FMNL2: variants seen among roughly 807,000 people sequenced by gnomAD.
FMNL2 encodes formin-like protein 2.
In FMNL2, 51 loss-of-function variants were observed where a neutral mutation model predicts 130.2. The observed-to-expected ratio is 0.39, with a 90% CI of 0.31 to 0.49. FMNL2 has a LOEUF of 0.49. Among genes scored for constraint, FMNL2 ranks in the 20% least tolerant of loss-of-function variants. The pLI is 0.85. For synonymous variants in FMNL2, 465 were observed against 467.1 expected, an observed-to-expected ratio of 1.00 and a Z score of 0.06; for missense variants, 977 against 1,316.2, an observed-to-expected ratio of 0.74 and a Z score of 3.99.
intron 1 of FMNL2, among the ~76,000 whole-genome samples, chr2:152,477,595 G>T (rs1254091170): frequency 6.6e-6 from 1 of 152,134 alleles, no homozygotes; most frequent in African/African-American, 2.4e-5. Flanking sequence ...CAGGCTGTCC[G>T]TTGATTTGTT....
At chr2:152,542,712 T>C (rs1359932268) in intron 2 of FMNL2, 27 bp from the exon 3 acceptor site, 3 of 1,612,434 alleles carry the variant, frequency 1.9e-6, no homozygotes, top group East Asian at 4.5e-5. Context: ...ATACCTTTCA[T>C]GCTTTGGACT....
chr2:152,337,823 T>G (rs1681565260), intron 1 of FMNL2, among the ~76,000 whole-genome samples: 1 of 152,130 alleles, frequency 6.6e-6, no homozygotes, highest in Non-Finnish European at 1.5e-5. Flanking sequence ...CAGGCTGACC[T>G]TTTATTGAGT....
rs186632168 is a variant in FMNL2, at chr2:152,558,860, T to G, written c.443+37T>G. On this transcript the variant is annotated intron_variant, in intron 5 of 25. Transcript: ENST00000288670. ...TTGGCTTGCTTGCATTTGAATTTTA[T>G]GTGGTCACAGCAGATGCTACTCAGT... is the stretch of plus-strand genomic sequence containing the variant. The G allele has an allele frequency of 5.9e-5, 93 of 1,581,548 alleles. No individual in the cohort carries two copies. The African/African-American group carries it at 1.1e-3, about 19-fold the overall frequency.
intron 4 of FMNL2, among the ~76,000 whole-genome samples, chr2:152,553,054 G>A (rs547943002): frequency 6.1e-4 from 93 of 152,194 alleles, no homozygotes; most frequent in Non-Finnish European, 1.2e-3. Flanking sequence ...AATGTGGCAA[G>A]TTGGCAAGGA....
intron 9 of FMNL2, among the ~76,000 whole-genome samples, chr2:152,600,463 T>C (rs1019374718): frequency 6.6e-6 from 1 of 152,190 alleles, no homozygotes; most frequent in Non-Finnish European, 1.5e-5. Context: ...CAGAGACTGT[T>C]ACTCACCTTG....
chr2:152,632,159 C>A, intron 21 of FMNL2, 22 bp downstream of exon 21: 1 of 1,604,124 alleles, frequency 6.2e-7, no homozygotes, highest in South Asian at 1.1e-5. Flanking sequence ...CAGCTATTAC[C>A]GTTCGTCTTG....
At chr2:152,530,072 C>T (rs764180932) in intron 2 of FMNL2, among the ~76,000 whole-genome samples, 1 of 152,194 alleles carries the variant, frequency 6.6e-6, no homozygotes, top group Admixed American at 6.5e-5. Flanking sequence ...ACTCCCACCC[C>T]ACCTTTTAAA....
intron 6 of FMNL2, among the ~76,000 whole-genome samples, chr2:152,562,311 C>G (rs935910798): frequency 6.6e-6 from 1 of 152,194 alleles, no homozygotes; most frequent in African/African-American, 2.4e-5. Context: ...CAGGCATGAT[C>G]TGGCAAGAGG....
intron 1 of FMNL2, among the ~76,000 whole-genome samples, chr2:152,486,370 G>T (rs985346187): frequency 1.3e-4 from 20 of 152,144 alleles, no homozygotes; most frequent in African/African-American, 4.8e-4. Flanking sequence ...TACATAGCTG[G>T]GTTGGTTAAT....
At chr2:152,490,627 TAAAA>T (rs1225298285) in intron 1 of FMNL2, among the ~76,000 whole-genome samples, 1 of 123,256 alleles carries the variant, frequency 8.1e-6, no homozygotes, top group Non-Finnish European at 1.7e-5. Context: ...TGGATAAACT[TAAAA>T]AACCTGTTGC....
chr2:152,480,545 G>A lies in FMNL2; in HGVS notation c.118-41398G>A, dbSNP rs564816276. 1.0e-4 allele frequency among the ~76,000 whole-genome samples: 15 copies of A among 143,502 alleles called. No individual in the cohort carries two copies. In the East Asian group the frequency reaches 3.3e-3, roughly 32 times the overall value. The allele number at this position is 143,502 out of a possible 152,430, so 94.1% of individuals were successfully genotyped here. On this transcript the variant is annotated intron_variant, in intron 1 of 25. Transcript: ENST00000288670. ...AGATACTTGGGAGGCTGAGACAGGA[G>A]AATTGCTTGAACCTGGGAGGCGGAG...
intron 9 of FMNL2, among the ~76,000 whole-genome samples, chr2:152,587,296 A>G (rs1193777158): frequency 2.6e-5 from 4 of 152,270 alleles, no homozygotes; most frequent in Admixed American, 6.5e-5. Context: ...GGGGAAGGCA[A>G]TGGCTTCTCT....
intron 1 of FMNL2, among the ~76,000 whole-genome samples, chr2:152,465,667 A>G (rs996985535): frequency 1.3e-5 from 2 of 152,214 alleles, no homozygotes; most frequent in East Asian, 1.9e-4. Context: ...AGCAGTTGGC[A>G]TAAGTAGGGG....
intron 1 of FMNL2, among the ~76,000 whole-genome samples, chr2:152,355,048 GA>G (rs1483826540): frequency 1.3e-5 from 2 of 152,166 alleles, no homozygotes; most frequent in Non-Finnish European, 2.9e-5. Context: ...AGGTCCAGAT[GA>G]AAAGGATTAT....
chr2:152,561,066 G>T, intron 6 of FMNL2, 31 bp downstream of exon 6: 1 of 1,559,368 alleles, frequency 6.4e-7, no homozygotes, highest in Non-Finnish European at 8.7e-7. Context: ...GGCAACTTTG[G>T]CAGGATGCAC....
At chr2:152,646,425 T>G (rs954707014) in intron 25 of FMNL2, among the ~76,000 whole-genome samples, 1 of 151,948 alleles carries the variant, frequency 6.6e-6, no homozygotes, top group African/African-American at 2.4e-5. Flanking sequence ...TGGTAGGAAC[T>G]GTGCTGAACC....
intron 1 of FMNL2, among the ~76,000 whole-genome samples, chr2:152,365,759 C>T (rs1414252850): frequency 1.3e-5 from 2 of 151,696 alleles, no homozygotes; most frequent in South Asian, 2.1e-4. Context: ...GGCGACAGAG[C>T]AAAACTCTGT....
intron 1 of FMNL2, among the ~76,000 whole-genome samples, chr2:152,490,320 G>C (rs957212050): frequency 2.6e-5 from 4 of 152,012 alleles, no homozygotes; most frequent in Non-Finnish European, 4.4e-5. Context: ...CAAGGGAAAA[G>C]AAAATGCAGG....
intron 1 of FMNL2, chr2:152,390,563 G>C: frequency 1.4e-6 from 2 of 1,447,906 alleles, no homozygotes; most frequent in Non-Finnish European, 1.9e-6. Flanking sequence ...ACGAACAGAA[G>C]AAACAGGAGA....
Sources: gnomAD v4.1 joint callset for allele counts (sites outside exome capture counted in the v4.1 genomes callset) on GRCh38, gnomAD v4.1.1 for gene constraint, MANE v1.5 for transcripts, NCBI Gene and HGNC (gene_info 2026-07-23, HGNC 2026-07-21) for gene names.